Variants in SRGAP3 observed in about 807,000 individuals in gnomAD.
SRGAP3 encodes the protein SLIT-ROBO Rho GTPase-activating protein 3.
SRGAP3 carries 39 observed loss-of-function variants against 121.1 expected under a neutral mutation model. The observed-to-expected ratio is 0.32, with a 90% CI of 0.25 to 0.42. The LOEUF is 0.42. SRGAP3 is among the 10% of genes least tolerant of loss of function. The pLI is 1.00. For synonymous variants in SRGAP3, 601 were observed against 570.0 expected (o/e 1.05, Z -0.77); for missense variants, 1,213 against 1,470.6 (o/e 0.82, Z 2.86).
At chr3:9,298,844 G>A (rs996966461) in intron 3 of SRGAP3, among the ~76,000 whole-genome samples, 13 of 152,064 alleles carry the variant, frequency 8.5e-5, no homozygotes, top group Admixed American at 7.2e-4. Flanking sequence ...TTGAGGCCAG[G>A]AGTTTGAGAC....
chr3:9,161,961 T>C (rs1950613414), intron 1 of SRGAP3, among the ~76,000 whole-genome samples: 1 of 152,204 alleles, frequency 6.6e-6, no homozygotes, highest in South Asian at 2.1e-4. Context: ...GTGTGCTATA[T>C]CCACATAGTG....
chr3:9,288,786 G>C (rs1055244029), intron 3 of SRGAP3, among the ~76,000 whole-genome samples: 1 of 151,572 alleles, frequency 6.6e-6, no homozygotes, highest in Non-Finnish European at 1.5e-5. Flanking sequence ...ATTTTGCCCA[G>C]GCTGGTCTTG....
At chr3:9,080,189 C>A in intron 3 of SRGAP3, 102 bp from the exon 4 acceptor site, 1 of 1,104,612 alleles carries the variant, frequency 9.1e-7, no homozygotes, top group South Asian at 1.3e-5. Context: ...CGGGTGGGGT[C>A]AGAAGGGGTA....
intron 1 of SRGAP3, among the ~76,000 whole-genome samples, chr3:9,137,566 C>G (rs1339514145): frequency 1.3e-5 from 2 of 152,052 alleles, no homozygotes; most frequent in Non-Finnish European, 2.9e-5. Context: ...TGATAAGGTC[C>G]CCAACACACT....
chr3:9,227,138 C>T (rs931829456), intron 1 of SRGAP3, among the ~76,000 whole-genome samples: 2 of 152,196 alleles, frequency 1.3e-5, no homozygotes, highest in Non-Finnish European at 1.5e-5. Context: ...GTTCCTAGAT[C>T]TTCCCATTTT....
At chr3:8,994,108 A>G in intron 19 of SRGAP3, 2 of 557,976 alleles carry the variant, frequency 3.6e-6, no homozygotes, top group African/African-American at 1.9e-5. Context: ...ATCAGGATGT[A>G]GGCCAGAGGC....
Position 9,197,717 on chromosome 3 carries a change from G to A in SRGAP3, c.67+51168C>T, listed in dbSNP as rs77157542. 3.0e-3 allele frequency among the ~76,000 whole-genome samples: 464 copies of A among 152,234 alleles called. 2 individuals are homozygous for A. The highest frequency in any genetic ancestry group is 0.012 in the Admixed American group (186 of 15,294). Reference sequence around the variant, plus strand: ...CTCAGAAGTTTAGAAGTACATCACCGGCATTTTCCAAAGCATATGCTTCAG... The same window carrying A: ...CTCAGAAGTTTAGAAGTACATCACCAGCATTTTCCAAAGCATATGCTTCAG... On this transcript the variant is annotated intron_variant, in intron 1 of 21. Transcript: ENST00000383836.
intron 12 of SRGAP3, chr3:9,027,959 T>C: frequency 2.0e-6 from 2 of 991,056 alleles, no homozygotes; most frequent in South Asian, 1.3e-5. Context: ...TGTGAATTCT[T>C]TCCTTGATTG....
chr3:9,318,987 A>C (rs1007549447), intron 3 of SRGAP3, among the ~76,000 whole-genome samples: 3 of 151,954 alleles, frequency 2.0e-5, no homozygotes, highest in African/African-American at 7.2e-5. Flanking sequence ...ATAAGCACAG[A>C]ATGGCTTGCC....
Position 9,249,439 on chromosome 3 carries a change from G to A in SRGAP3, c.-488C>T, listed in dbSNP as rs1303347241. 8.0e-6 allele frequency: 2 copies of A among 249,332 alleles called. No homozygotes were observed. Among genetic ancestry groups the A allele is most frequent in the Non-Finnish European group, 1.6e-5 (2 of 127,198 alleles). 15.4% of individuals were successfully genotyped at this position (249,332 alleles called of 1,614,324 possible). On this transcript the variant is annotated 5_prime_UTR_variant, in exon 1 of 22. Coordinates refer to ENST00000383836, the MANE Select transcript of SRGAP3 (RefSeq NM_014850.4). ...ACACACACACATCCACGAGAGGCGC[G>A]GCGCCTCTTTGGTCGTGCAGCCAGC...
At chr3:9,345,753 T>C (rs76404751) in intron 1 of SRGAP3, among the ~76,000 whole-genome samples, 3,761 of 125,872 alleles carry the variant, frequency 0.03, 190 homozygotes, top group African/African-American at 0.11. Context: ...ACCACTGCAC[T>C]CCAGCCTGGG....
At chr3:9,203,616 G>T (rs1018964490) in intron 1 of SRGAP3, among the ~76,000 whole-genome samples, 1 of 152,068 alleles carries the variant, frequency 6.6e-6, no homozygotes, top group Non-Finnish European at 1.5e-5. Flanking sequence ...CCTCTAAATT[G>T]CAATTGTCTG....
At position 8,985,952 on chromosome 3, in the gene SRGAP3, G is replaced by A; in HGVS notation, c.2887-20C>T. On this transcript the variant is annotated intron_variant, in intron 21 of 21. Transcript: ENST00000383836. This position sits in a 1 kb window ranked among gnomAD's most constrained non-coding sequence, Gnocchi z 5.1. ...GATGTCCTGGGGACAGAGGGAGCTG[G>A]GGTCAGCACAGTCTGGAGACCTGGA... The A allele has an allele frequency of 1.3e-6, 2 of 1,599,638 alleles. No individual in the cohort carries two copies. Among genetic ancestry groups the A allele is most frequent in the East Asian group, 2.2e-5 (1 of 44,874 alleles).
intron 4 of SRGAP3, among the ~76,000 whole-genome samples, chr3:9,078,128 A>G (rs755192296): frequency 1.3e-5 from 2 of 152,178 alleles, no homozygotes; most frequent in Non-Finnish European, 2.9e-5. Flanking sequence ...CATGACACTA[A>G]CAGGTAGGTA....
intron 3 of SRGAP3, among the ~76,000 whole-genome samples, chr3:9,088,852 C>G (rs982209903): frequency 2.0e-5 from 3 of 152,156 alleles, no homozygotes; most frequent in Admixed American, 2.0e-4. Context: ...GTTTCAAGTA[C>G]GGTGGCCCCT....
intron 17 of SRGAP3, among the ~76,000 whole-genome samples, chr3:9,011,252 G>T (rs1190246803): frequency 6.6e-6 from 1 of 152,184 alleles, no homozygotes; most frequent in Non-Finnish European, 1.5e-5. Context: ...AAATAAATGG[G>T]CAGAGACAAG....
intron 18 of SRGAP3, among the ~76,000 whole-genome samples, chr3:8,996,708 G>A (rs1240993971): frequency 6.6e-6 from 1 of 152,220 alleles, no homozygotes; most frequent in Non-Finnish European, 1.5e-5. Context: ...CCGGCCGTGT[G>A]CTGGAACTGC....
chr3:9,352,309 T>A (rs1299938797), intron 1 of SRGAP3, among the ~76,000 whole-genome samples: 3 of 149,318 alleles, frequency 2.0e-5, no homozygotes, highest in African/African-American at 7.5e-5. Flanking sequence ...AGTCTCACTC[T>A]GTCACCCAGG....
At chr3:9,329,134 T>G (rs1028974867) in intron 2 of SRGAP3, among the ~76,000 whole-genome samples, 7 of 152,204 alleles carry the variant, frequency 4.6e-5, no homozygotes, top group Non-Finnish European at 8.8e-5. Context: ...AAAAATGAAT[T>G]CATCGCACAA....
Sources: gnomAD v4.1 joint callset for allele counts (sites outside exome capture counted in the v4.1 genomes callset) on GRCh38, gnomAD v4.1.1 for gene constraint, Gnocchi (gnomAD v3.1) non-coding constraint, MANE v1.5 for transcripts, NCBI Gene and HGNC (gene_info 2026-07-23, HGNC 2026-07-21) for gene names.